The following AGBL4 variants were observed in gnomAD, a reference collection of about 807,000 sequenced individuals.
AGBL4 encodes cytosolic carboxypeptidase 6.
In AGBL4, 58 loss-of-function variants were observed where a neutral mutation model predicts 66.4. The observed-to-expected ratio is 0.87, with a 90% CI of 0.71 to 1.09. The LOEUF (loss-of-function observed/expected upper bound fraction) is 1.09. Among genes scored for constraint, AGBL4 ranks in the 50% least tolerant of loss-of-function variants. The pLI, the probability that AGBL4 is intolerant of heterozygous loss-of-function variation, is 0.00. For synonymous variants in AGBL4, 234 were observed against 222.9 expected (o/e 1.05, Z -0.44); for missense variants, 579 against 631.0 (o/e 0.92, Z 0.88).
chr1:49,936,743 C>T (rs918099580), intron 1 of AGBL4, among the ~76,000 whole-genome samples: 8 of 152,072 alleles, frequency 5.3e-5, no homozygotes, highest in African/African-American at 1.2e-4. Context: ...AACTAAGCTT[C>T]ATAAAAGTGA....
intron 6 of AGBL4, among the ~76,000 whole-genome samples, chr1:48,723,985 G>A (rs1001171023): frequency 2.0e-5 from 3 of 152,212 alleles, no homozygotes; most frequent in Non-Finnish European, 4.4e-5. Context: ...CAGCATGCAC[G>A]GGGGAAAGCC....
At chr1:48,642,343 C>T (rs894744001) in intron 8 of AGBL4, among the ~76,000 whole-genome samples, 3 of 152,200 alleles carry the variant, frequency 2.0e-5, no homozygotes, top group African/African-American at 7.2e-5. Flanking sequence ...TTATCTCCAA[C>T]CCTAAGAAAT....
intron 4 of AGBL4, among the ~76,000 whole-genome samples, chr1:49,214,611 G>A (rs1458933179): frequency 1.3e-5 from 2 of 152,108 alleles, no homozygotes; most frequent in African/African-American, 2.4e-5. Context: ...AAGTCAAGTT[G>A]CTTGTGGTAC....
chr1:49,377,191 C>T (rs924516804), intron 3 of AGBL4, among the ~76,000 whole-genome samples: 5 of 151,948 alleles, frequency 3.3e-5, no homozygotes, highest in African/African-American at 1.2e-4. Context: ...GAGATGGGGG[C>T]TAAAATAAAG....
intron 4 of AGBL4, among the ~76,000 whole-genome samples, chr1:49,082,835 G>A (rs1397098220): frequency 3.3e-5 from 5 of 152,192 alleles, no homozygotes; most frequent in Non-Finnish European, 7.3e-5. Context: ...CCACCTATGA[G>A]CCTGTAAAAT....
chr1:49,669,000 T>G (rs932435731), intron 3 of AGBL4, among the ~76,000 whole-genome samples: 34 of 152,116 alleles, frequency 2.2e-4, no homozygotes, highest in African/African-American at 8.2e-4. Context: ...ATCAAGGCAA[T>G]GGAAATACAA....
chr1:49,755,458 T>C (rs1651817843), intron 2 of AGBL4, among the ~76,000 whole-genome samples: 1 of 152,206 alleles, frequency 6.6e-6, no homozygotes, highest in Non-Finnish European at 1.5e-5. Flanking sequence ...GAGCCTCTGT[T>C]TATGCTCCAA....
chr1:48,535,352 C>T (rs1643952306), intron 12 of AGBL4, among the ~76,000 whole-genome samples: 1 of 152,152 alleles, frequency 6.6e-6, no homozygotes, highest in Non-Finnish European at 1.5e-5. Context: ...ATAAGCCTCC[C>T]CCATCCCCAG....
intron 11 of AGBL4, among the ~76,000 whole-genome samples, chr1:48,570,221 C>G (rs750203148): frequency 2.0e-5 from 3 of 152,218 alleles, no homozygotes; most frequent in African/African-American, 7.2e-5. Context: ...AATCACCTTC[C>G]GGTGAAGAGG....
At chr1:48,657,707 T>C (rs2148448898) in intron 7 of AGBL4, among the ~76,000 whole-genome samples, 1 of 152,278 alleles carries the variant, frequency 6.6e-6, no homozygotes, top group South Asian at 2.1e-4. Flanking sequence ...ATGATTTGCC[T>C]GCAACCCCGA....
intron 3 of AGBL4, among the ~76,000 whole-genome samples, chr1:49,254,842 G>A (rs1233093608): frequency 6.6e-6 from 1 of 152,084 alleles, no homozygotes; most frequent in African/African-American, 2.4e-5. Flanking sequence ...ACAGAATAGA[G>A]AACCCAGAAA....
intron 3 of AGBL4, among the ~76,000 whole-genome samples, chr1:49,405,109 C>T (rs769546057): frequency 6.6e-6 from 1 of 152,218 alleles, no homozygotes; most frequent in Non-Finnish European, 1.5e-5. Context: ...TTCAAATCAT[C>T]ATTAGTATTC....
At chr1:49,155,752 T>C (rs1247597149) in intron 4 of AGBL4, among the ~76,000 whole-genome samples, 1 of 152,156 alleles carries the variant, frequency 6.6e-6, no homozygotes, top group Non-Finnish European at 1.5e-5. Context: ...AACTCACAGA[T>C]GATAAGATAA....
chr1:49,959,135 C>T (rs1656906637), intron 1 of AGBL4, among the ~76,000 whole-genome samples: 1 of 151,694 alleles, frequency 6.6e-6, no homozygotes. Context: ...AAAGGAAGGT[C>T]AGGAACTAGC....
intron 5 of AGBL4, among the ~76,000 whole-genome samples, chr1:48,869,551 T>C (rs1016087296): frequency 4.6e-5 from 7 of 152,230 alleles, no homozygotes; most frequent in African/African-American, 1.7e-4. Flanking sequence ...TGCCTAGGAT[T>C]CTTTAAAGAA....
At chr1:49,398,833 T>C (rs189842185) in intron 3 of AGBL4, among the ~76,000 whole-genome samples, 2 of 152,214 alleles carry the variant, frequency 1.3e-5, no homozygotes, top group Admixed American at 6.5e-5. Flanking sequence ...ACTTATCTTT[T>C]GTGTTACAAA....
At chr1:49,212,961 G>A (rs1470518210) in intron 4 of AGBL4, among the ~76,000 whole-genome samples, 1 of 151,762 alleles carries the variant, frequency 6.6e-6, no homozygotes. Context: ...ATTTATTATT[G>A]AATTATTTTA....
At chr1:49,725,688 T>C (rs984706155) in intron 2 of AGBL4, among the ~76,000 whole-genome samples, 1 of 146,930 alleles carries the variant, frequency 6.8e-6, no homozygotes. Context: ...GTGGGTTTTT[T>C]TTTTTTTTTT....
chr1:49,191,945 T>C (rs1647128155), intron 4 of AGBL4, among the ~76,000 whole-genome samples: 1 of 152,220 alleles, frequency 6.6e-6, no homozygotes, highest in South Asian at 2.1e-4. Context: ...ATATTTTTGG[T>C]AGAACAATTT....
Sources: gnomAD v4.1 joint callset for allele counts (sites outside exome capture counted in the v4.1 genomes callset) on GRCh38, gnomAD v4.1.1 for gene constraint, MANE v1.5 for transcripts, NCBI Gene and HGNC (gene_info 2026-07-23, HGNC 2026-07-21) for gene names.